The following SLC2A14 variants were observed in gnomAD, a reference collection of about 807,000 sequenced individuals.
SLC2A14 encodes the protein solute carrier family 2 member 14, also known as solute carrier family 2, facilitated glucose transporter member 14.
Under a neutral mutation model 43.0 loss-of-function variants are expected in SLC2A14, and 13 were observed. The ratio of observed to expected loss-of-function variants is 0.30; its 90% CI spans 0.20 to 0.48. SLC2A14 has a LOEUF of 0.48. Among genes scored for constraint, SLC2A14 ranks in the 20% least tolerant of loss-of-function variants. The pLI is 0.99. For missense variants in SLC2A14, 428 were observed against 620.4 expected, an observed-to-expected ratio of 0.69 and a Z score of 3.29; for synonymous variants, 190 against 233.8, an observed-to-expected ratio of 0.81 and a Z score of 1.71.
chr12:7,826,736 C>G (rs769829661), intron 7 of SLC2A14, among the ~76,000 whole-genome samples: 40 of 152,126 alleles, frequency 2.6e-4, no homozygotes, highest in Admixed American at 1.0e-3. Flanking sequence ...CTATCATGCT[C>G]CCTATTCTAC....
chr12:7,887,558 CAGA>C (rs1945706724), intron 1 of SLC2A14, among the ~76,000 whole-genome samples: 1 of 148,424 alleles, frequency 6.7e-6, no homozygotes. Context: ...GTAGATAAAT[CAGA>C]TAGATAGATA....
rs1894820 is a variant in SLC2A14 at position 7,813,930 on chromosome 12, T to C, written c.*386A>G. On this transcript the variant is annotated 3_prime_UTR_variant, in exon 11 of 11. Coordinates refer to ENST00000431042, the MANE Select transcript of SLC2A14 (RefSeq NM_001286234.2). ...AAACACCCTCCGGCTTCCACACTCATATGTATCTGCTTCCTGGTAAGTCTG... is the reference window on the plus strand; with the variant it reads ...AAACACCCTCCGGCTTCCACACTCACATGTATCTGCTTCCTGGTAAGTCTG... The C allele has an allele frequency of 0.38, 92,699 of 241,980 alleles. 18,641 individuals are homozygous for C. The highest frequency in any genetic ancestry group is 0.52 in the Admixed American group (11,281 of 21,634). The allele number at this position is 241,980 out of a possible 1,614,324, so 15.0% of individuals were successfully genotyped here.
At chr12:7,866,687 G>A (rs918895171) in intron 2 of SLC2A14, among the ~76,000 whole-genome samples, 1 of 152,118 alleles carries the variant, frequency 6.6e-6, no homozygotes, top group African/African-American at 2.4e-5. Flanking sequence ...ATTTTATGAA[G>A]GCTGAGAAAG....
rs764378004 is a variant in SLC2A14, at chr12:7,854,860, G to A, written c.18+15003C>T. Among the ~76,000 whole-genome samples the A allele has an allele frequency of 2.0e-5, 3 of 149,820 alleles. 1 individual carries two copies. Among genetic ancestry groups the A allele is most frequent in the Non-Finnish European group, 4.4e-5 (3 of 67,546 alleles). ...GAGTCTCGCTCTGTCACCCAGTCTG[G>A]AGTGTAGTGGCGCGATCTCAGCTCA... is the stretch of plus-strand genomic sequence containing the variant. On this transcript the variant is annotated intron_variant, in intron 2 of 10. Transcript: ENST00000431042.
intron 10 of SLC2A14, among the ~76,000 whole-genome samples, chr12:7,816,089 A>ATT (rs1235925431): frequency 2.4e-4 from 24 of 101,066 alleles, no homozygotes; most frequent in African/African-American, 1.0e-3. Flanking sequence ...TTTATTTTTT[A>ATT]TTTTTTTTAT....
At chr12:7,830,060 T>C in intron 4 of SLC2A14, 54 bp from the exon 5 acceptor site, 1 of 1,608,178 alleles carries the variant, frequency 6.2e-7, no homozygotes, top group East Asian at 2.2e-5. Flanking sequence ...GGCTCCTAAC[T>C]TCTCCTCTTC....
At position 7,831,543 on chromosome 12, in the gene SLC2A14, C is replaced by T. The variant is rs776343627; in HGVS notation, c.272+61G>A. On this transcript the variant is annotated intron_variant, in intron 4 of 10. Transcript: ENST00000431042. ...ATCATCACCTCCCTGCCCTAACTCT[C>T]CACACTTGTCCCCAATGCATCTGGT... 1.2e-4 allele frequency: 187 copies of T among 1,603,554 alleles called. No individual in the cohort carries two copies. The African/African-American group carries it at 2.2e-3, about 19-fold the overall frequency.
At chr12:7,872,763 C>A (rs1209063343) in intron 1 of SLC2A14, 44 bp downstream of exon 1, 1 of 985,138 alleles carries the variant, frequency 1.0e-6, no homozygotes, top group African/African-American at 1.7e-5. Context: ...CTCAGGTCCT[C>A]ATTCCCGCAC....
chr12:7,873,179 G>C, upstream of SLC2A14: 19 of 985,774 alleles, frequency 1.9e-5, no homozygotes, highest in Non-Finnish European at 2.2e-5. Context: ...TCTTTACGGG[G>C]AAACAGTTTT....
intron 2 of SLC2A14, among the ~76,000 whole-genome samples, chr12:7,864,582 C>CCGGCCTCGG (rs1416415658): frequency 6.6e-6 from 1 of 152,170 alleles, no homozygotes; most frequent in African/African-American, 2.4e-5. Flanking sequence ...TCATCATCCG[C>CCGGCCTCGG]CGGCCTCGGC....
Position 7,827,191 on chromosome 12 carries a change from A to G in SLC2A14, c.864+304T>C, listed in dbSNP as rs183080614. 4.0e-3 allele frequency among the ~76,000 whole-genome samples: 592 copies of G among 146,522 alleles called. 3 individuals carry two copies. Among genetic ancestry groups the G allele is most frequent in the African/African-American group, 0.015 (576 of 39,478 alleles). ...AATGGCGCAATCTCCACTCACTGCAACCTCCGCCTCCCAGATCCAAGAAAT... is the reference window on the plus strand; with the variant it reads ...AATGGCGCAATCTCCACTCACTGCAGCCTCCGCCTCCCAGATCCAAGAAAT... On this transcript the variant is annotated intron_variant, in intron 7 of 10. Coordinates refer to ENST00000431042, the MANE Select transcript of SLC2A14 (RefSeq NM_001286234.2).
rs1222660414 is a variant in SLC2A14, at chr12:7,821,247, C to A, written c.943G>T (p.Val315Phe). 1 of 1,613,834 alleles carries A rather than the reference C, an allele frequency of 6.2e-7. No homozygotes were observed. Among genetic ancestry groups the A allele is most frequent in the East Asian group, 2.2e-5 (1 of 44,896 alleles). Residue 315 changes from valine to phenylalanine, a missense_variant, in exon 8 of 11, where the codon GTT becomes TTT. This residue lies in a region of SLC2A14 where 185 missense variants were observed against 275.4 expected (regional missense o/e 0.67). Coordinates refer to ENST00000431042, the MANE Select transcript of SLC2A14 (RefSeq NM_001286234.2). ...PIYATISAGV[V>F]NTIFTLLSLF... ...GAAAGTAAAGTGAAGATAGTATTAA[C>A]CACACCCGCGCTGATGGTGGCATAG...
rs1483152043 is a variant in SLC2A14, at chr12:7,814,247, T to A, written c.*69A>T. The A allele has an allele frequency of 2.7e-5, 39 of 1,464,116 alleles. 4 individuals carry two copies. In the African/African-American group the frequency reaches 3.7e-4, roughly 14 times the overall value. 90.7% of individuals were successfully genotyped at this position (1,464,116 alleles called of 1,614,324 possible). A position where few individuals can be genotyped will look rare whatever the true frequency, so the allele number is the denominator to read the frequency against. On this transcript the variant is annotated 3_prime_UTR_variant, in exon 11 of 11. Transcript: ENST00000431042. The stretch of plus-strand genomic sequence containing the variant: ...AGAAGCAGTCCTGGGTTCATCCTGA[T>A]AAAGTCTCTCCCTTGTTGAGGGAGA...
chr12:7,827,715 A>G, intron 6 of SLC2A14, 33 bp from the exon 7 acceptor site: 1 of 1,022,698 alleles, frequency 9.8e-7, no homozygotes, highest in South Asian at 4.0e-5. Context: ...AAGGATAAAG[A>G]GAATGTGCTG....
At chr12:7,865,232 G>C (rs1944841065) in intron 2 of SLC2A14, among the ~76,000 whole-genome samples, 1 of 152,002 alleles carries the variant, frequency 6.6e-6, no homozygotes, top group African/African-American at 2.4e-5. Context: ...ATAAGACAAT[G>C]AATATACAAA....
chr12:7,840,111 C>CAA (rs35137540), intron 2 of SLC2A14, among the ~76,000 whole-genome samples: 5,229 of 71,020 alleles, frequency 0.074, 685 homozygotes, highest in African/African-American at 0.25. Flanking sequence ...GACCCTGTCT[C>CAA]AAAAAAAAAA....
intron 1 of SLC2A14, among the ~76,000 whole-genome samples, chr12:7,888,839 A>G (rs1272050175): frequency 2.0e-5 from 3 of 151,722 alleles, no homozygotes; most frequent in Non-Finnish European, 4.4e-5. Flanking sequence ...TCAGGAGAAT[A>G]TAGACTAATT....
At chr12:7,851,527 A>G (rs1029210472) in intron 2 of SLC2A14, among the ~76,000 whole-genome samples, 1 of 152,166 alleles carries the variant, frequency 6.6e-6, no homozygotes, top group Non-Finnish European at 1.5e-5. Flanking sequence ...TGACTGAATA[A>G]ATCTCTAGCT....
chr12:7,854,452 G>C (rs970164108), intron 2 of SLC2A14, among the ~76,000 whole-genome samples: 28 of 152,076 alleles, frequency 1.8e-4, no homozygotes, highest in African/African-American at 6.8e-4. Context: ...GTCTCCTAAT[G>C]AGTCTCACTG....
Sources: gnomAD v4.1 joint callset for allele counts (sites outside exome capture counted in the v4.1 genomes callset) on GRCh38, gnomAD v4.1.1 for gene constraint, gnomAD v4.1.1 regional missense constraint, MANE v1.5 for transcripts, NCBI Gene and HGNC (gene_info 2026-07-23, HGNC 2026-07-21) for gene names.